DLG2: variants seen among roughly 807,000 people sequenced by gnomAD.
The protein encoded by DLG2 is disks large homolog 2.
A neutral mutation model predicts 132.5 loss-of-function variants in DLG2; 45 were observed. That is an observed-to-expected ratio of 0.34 (90% CI 0.27 to 0.44). DLG2 has a LOEUF of 0.44. DLG2 is among the 20% of genes least tolerant of loss of function. DLG2 has a pLI of 1.00. For synonymous variants in DLG2, 424 were observed against 419.6 expected (o/e 1.01, Z -0.13); for missense variants, 1,045 against 1,196.9 (o/e 0.87, Z 1.87).
intron 6 of DLG2, among the ~76,000 whole-genome samples, chr11:84,696,136 G>A (rs147018529): frequency 6.6e-6 from 1 of 151,600 alleles, no homozygotes; most frequent in African/African-American, 2.4e-5. Flanking sequence ...GGAATGAATG[G>A]TCTGGTAGGT....
intron 10 of DLG2, among the ~76,000 whole-genome samples, chr11:84,070,981 T>G (rs1256656677): frequency 3.3e-5 from 5 of 152,222 alleles, no homozygotes; most frequent in Admixed American, 3.3e-4. Flanking sequence ...ACAAATAATT[T>G]CATCACCAGA....
intron 11 of DLG2, among the ~76,000 whole-genome samples, chr11:84,041,401 A>G (rs1178690622): frequency 1.3e-5 from 2 of 151,972 alleles, no homozygotes; most frequent in African/African-American, 4.8e-5. Flanking sequence ...TTTATACTCC[A>G]CCAGCCTCCT....
intron 15 of DLG2, among the ~76,000 whole-genome samples, chr11:83,924,909 T>C (rs541120186): frequency 6.6e-6 from 1 of 152,220 alleles, no homozygotes; most frequent in African/African-American, 2.4e-5. Context: ...TCATAGATAA[T>C]GCTTCTTATA....
At chr11:84,994,471 G>A (rs1046301938) in intron 6 of DLG2, among the ~76,000 whole-genome samples, 1 of 152,160 alleles carries the variant, frequency 6.6e-6, no homozygotes, top group Admixed American at 6.5e-5. Context: ...TTACTTCTCT[G>A]TGCTGATGAC....
At chr11:85,076,430 A>T (rs989380766) in intron 6 of DLG2, among the ~76,000 whole-genome samples, 4 of 152,032 alleles carry the variant, frequency 2.6e-5, no homozygotes, top group Non-Finnish European at 2.9e-5. Flanking sequence ...TTAACTTTCT[A>T]AACTTTATTC....
At chr11:84,261,994 A>G (rs539336711) in intron 7 of DLG2, among the ~76,000 whole-genome samples, 4 of 152,324 alleles carry the variant, frequency 2.6e-5, no homozygotes, top group Non-Finnish European at 5.9e-5. Flanking sequence ...ACTGCAGAGC[A>G]TGAAAATTAA....
chr11:83,788,736 G>T (rs1474631419), intron 17 of DLG2, among the ~76,000 whole-genome samples: 1 of 152,196 alleles, frequency 6.6e-6, no homozygotes, highest in Non-Finnish European at 1.5e-5. Flanking sequence ...TTTTATAAAA[G>T]AATAAAATGT....
At chr11:84,569,844 T>C (rs773196387) in intron 6 of DLG2, among the ~76,000 whole-genome samples, 12 of 152,194 alleles carry the variant, frequency 7.9e-5, no homozygotes, top group Admixed American at 3.9e-4. Flanking sequence ...CTGTGAAGCA[T>C]TTTAGCCCTT....
In DLG2 at chr11:85,485,902, G is replaced by A. The variant is rs2093418441; in HGVS notation, c.40+112755C>T. The stretch of plus-strand genomic sequence containing the variant: ...CCTGTCCTGAGGCAGGACTGACACA[G>A]CCAGTGCAGCTGCCACCACTAGGCT... On this transcript the variant is annotated intron_variant, in intron 3 of 27. Transcript: ENST00000376104. Among the ~76,000 whole-genome samples the A allele has an allele frequency of 2.0e-5, 3 of 152,302 alleles. No individual in the cohort carries two copies. In the South Asian group the frequency reaches 6.2e-4, roughly 32 times the overall value.
chr11:84,803,145 C>A (rs2075618120), intron 6 of DLG2, among the ~76,000 whole-genome samples: 3 of 151,984 alleles, frequency 2.0e-5, no homozygotes, highest in African/African-American at 7.3e-5. Context: ...TCTTGTCCAA[C>A]AAAATTGTAA....
intron 14 of DLG2, among the ~76,000 whole-genome samples, chr11:83,950,565 C>A (rs748489028): frequency 4.6e-5 from 7 of 152,162 alleles, no homozygotes; most frequent in Non-Finnish European, 8.8e-5. Context: ...TGCACTCCAG[C>A]CTGGGCAAGA....
intron 7 of DLG2, among the ~76,000 whole-genome samples, chr11:84,355,120 C>T (rs1214233869): frequency 6.6e-6 from 1 of 152,102 alleles, no homozygotes; most frequent in South Asian, 2.1e-4. Context: ...ATGATACAAG[C>T]ATGAGTAGGA....
intron 6 of DLG2, among the ~76,000 whole-genome samples, chr11:84,807,623 A>C (rs1236004487): frequency 1.3e-5 from 2 of 152,226 alleles, no homozygotes; most frequent in Non-Finnish European, 2.9e-5. Flanking sequence ...ATTCACTTTC[A>C]AATGTAATCG....
At chr11:85,365,347 C>G (rs2084461216) in intron 3 of DLG2, among the ~76,000 whole-genome samples, 1 of 152,134 alleles carries the variant, frequency 6.6e-6, no homozygotes, top group South Asian at 2.1e-4. Flanking sequence ...GTCAAATTCT[C>G]TATTCTTTGA....
At chr11:83,657,383 T>C (rs926150725) in intron 18 of DLG2, among the ~76,000 whole-genome samples, 2 of 152,134 alleles carry the variant, frequency 1.3e-5, no homozygotes, top group Admixed American at 6.5e-5. Context: ...TTGGTTCTAA[T>C]CCCACTTCTG....
intron 8 of DLG2, among the ~76,000 whole-genome samples, chr11:84,223,244 C>A (rs1043486152): frequency 1.3e-5 from 2 of 152,084 alleles, no homozygotes; most frequent in African/African-American, 4.8e-5. Context: ...AGTAGTCAGA[C>A]CAAGTAGCAT....
At chr11:85,108,560 T>A (rs1485706868) in intron 6 of DLG2, among the ~76,000 whole-genome samples, 2 of 152,036 alleles carry the variant, frequency 1.3e-5, no homozygotes, top group African/African-American at 4.8e-5. Flanking sequence ...CCATTTTTTT[T>A]ATTCTATAAG....
At chr11:85,455,269 T>C (rs907531300) in intron 3 of DLG2, among the ~76,000 whole-genome samples, 6 of 152,188 alleles carry the variant, frequency 3.9e-5, no homozygotes, top group African/African-American at 1.4e-4. Flanking sequence ...CTAGGTATTT[T>C]ATTCTTTTTC....
At chr11:84,205,722 T>C (rs2096657170) in intron 8 of DLG2, among the ~76,000 whole-genome samples, 1 of 152,094 alleles carries the variant, frequency 6.6e-6, no homozygotes, top group African/African-American at 2.4e-5. Context: ...TTCATTGCCT[T>C]AAATGCTTGT....
Sources: gnomAD v4.1 joint callset for allele counts (sites outside exome capture counted in the v4.1 genomes callset) on GRCh38, gnomAD v4.1.1 for gene constraint, MANE v1.5 for transcripts, NCBI Gene and HGNC (gene_info 2026-07-23, HGNC 2026-07-21) for gene names.